Variants in RELL1 observed in about 807,000 individuals in gnomAD.
RELL1 encodes the protein RELT-like protein 1.
Under a neutral mutation model 23.0 loss-of-function variants are expected in RELL1, and 10 were observed. The ratio of observed to expected loss-of-function variants is 0.43; its 90% CI spans 0.27 to 0.74. The LOEUF is 0.74. RELL1 is among the 30% of genes least tolerant of loss of function. RELL1 has a pLI of 0.19. For synonymous variants in RELL1, 146 were observed against 146.8 expected (o/e 0.99, Z 0.04); for missense variants, 315 against 364.4 (o/e 0.86, Z 1.10).
At chr4:37,598,858 G>C (rs1289520982) in intron 6 of RELL1, among the ~76,000 whole-genome samples, 1 of 151,954 alleles carries the variant, frequency 6.6e-6, no homozygotes, top group African/African-American at 2.4e-5. Flanking sequence ...CTAGTTTTTT[G>C]TATTTTAGTA....
At position 37,597,037 on chromosome 4, in the gene RELL1, C is replaced by T. The variant is rs528305093; in HGVS notation, c.*4-5820G>A. Among the ~76,000 whole-genome samples, 217 of 151,756 alleles carry T rather than the reference C, an allele frequency of 1.4e-3. 1 individual carries two copies. Among genetic ancestry groups the T allele is most frequent in the African/African-American group, 4.9e-3 (203 of 41,412 alleles). On this transcript the variant is annotated intron_variant, in intron 6 of 6. Transcript: ENST00000314117. The stretch of plus-strand genomic sequence containing the variant: ...TGCTGGGATTACAGGCGTGAGTCAC[C>T]GCGCCCAGCCCGGGCCAATATTTTT...
At chr4:37,595,879 G>A (rs1912121) in intron 6 of RELL1, among the ~76,000 whole-genome samples, 84,247 of 151,940 alleles carry the variant, frequency 0.55, 26,844 homozygotes, top group Non-Finnish European at 0.73. Flanking sequence ...GGCCGACCTC[G>A]TTTTTTAGTG....
At chr4:37,598,891 C>T (rs1718946804) in intron 6 of RELL1, among the ~76,000 whole-genome samples, 1 of 152,046 alleles carries the variant, frequency 6.6e-6, no homozygotes, top group Non-Finnish European at 1.5e-5. Context: ...CACCGTGTTG[C>T]CCAGGCTGGT....
At position 37,631,512 on chromosome 4, in the gene RELL1, G is replaced by C; in HGVS notation, c.692C>G (p.Thr231Arg). Reference sequence around the variant, plus strand: ...CTGGTTTGACTTGTGCTCCACTTTTGTAACTCTAAATCTGAGGGGGGAATG... The same window carrying C: ...CTGGTTTGACTTGTGCTCCACTTTTCTAACTCTAAATCTGAGGGGGGAATG... ...TVLSVGRFRV[T>R]KVEHKSNQKE... Residue 231 changes from threonine (T) to arginine (R), a missense_variant, in exon 6 of 7, where the codon ACA becomes AGA. By Grantham distance (71) the Thr-to-Arg change is moderately conservative. Transcript: ENST00000454158. The C allele has an allele frequency of 6.2e-7, 1 of 1,613,850 alleles. No individual in the cohort carries two copies. Among genetic ancestry groups the C allele is most frequent in the Non-Finnish European group, 8.5e-7 (1 of 1,179,908 alleles).
At chr4:37,669,054 TG>T (rs1262974092) in intron 1 of RELL1, among the ~76,000 whole-genome samples, 3 of 94,392 alleles carry the variant, frequency 3.2e-5, no homozygotes, top group Non-Finnish European at 5.8e-5. Context: ...GGGAGGGAGG[TG>T]GGGGGGTCAG....
chr4:37,672,271 C>A (rs913340498), intron 1 of RELL1, among the ~76,000 whole-genome samples: 1 of 152,042 alleles, frequency 6.6e-6, no homozygotes, highest in African/African-American at 2.4e-5. Flanking sequence ...CCGTAGCTAC[C>A]TGGGGGCCCA....
At chr4:37,605,799 G>GAAAGAAAGAAAGA (rs1300816132), downstream of RELL1, among the ~76,000 whole-genome samples, 30 of 89,110 alleles carry the variant, frequency 3.4e-4, no homozygotes, top group African/African-American at 1.1e-3. Flanking sequence ...GAAAGAGAAA[G>GAAAGAAAGAAAGA]AAAGAAAGAA....
chr4:37,602,221 CA>C (rs11410477), intron 6 of RELL1, among the ~76,000 whole-genome samples: 37 of 96,734 alleles, frequency 3.8e-4, no homozygotes, highest in Admixed American at 5.5e-4. Context: ...TGTCTCAAAC[CA>C]AAAAAAAAAA....
At chr4:37,686,028 G>A (rs991230163) in intron 1 of RELL1, among the ~76,000 whole-genome samples, 172 bp downstream of exon 1, 3 of 152,182 alleles carry the variant, frequency 2.0e-5, no homozygotes, top group Non-Finnish European at 4.4e-5. Flanking sequence ...CCGTTGCCAC[G>A]CACCGCGCCC....
At chr4:37,670,359 C>T (rs1044368310) in intron 1 of RELL1, among the ~76,000 whole-genome samples, 1 of 152,082 alleles carries the variant, frequency 6.6e-6, no homozygotes, top group Non-Finnish European at 1.5e-5. Flanking sequence ...AGTAAAGAGA[C>T]TACTAAACCT....
chr4:37,639,020 G>A (rs1720430711), intron 3 of RELL1, among the ~76,000 whole-genome samples: 2 of 152,154 alleles, frequency 1.3e-5, no homozygotes, highest in Non-Finnish European at 2.9e-5. Context: ...TCGATTCAGG[G>A]ATGAGAGAAG....
At chr4:37,673,830 A>G (rs903464491) in intron 1 of RELL1, among the ~76,000 whole-genome samples, 5 of 152,142 alleles carry the variant, frequency 3.3e-5, no homozygotes, top group African/African-American at 1.2e-4. Flanking sequence ...CCGCAACTAC[A>G]CAGTAAAGTG....
At position 37,649,336 on chromosome 4, in the gene RELL1, C is replaced by G; in HGVS notation, c.253G>C (p.Gly85Arg). The G allele has an allele frequency of 6.2e-7, 1 of 1,614,206 alleles. No homozygotes were observed. The highest frequency in any genetic ancestry group is 8.5e-7 in the Non-Finnish European group (1 of 1,180,050). Residue 85 changes from glycine to arginine, a missense_variant, in exon 2 of 7, where the codon GGC becomes CGC. Physicochemically the swap from Gly to Arg is moderately radical, Grantham distance 125 (BLOSUM62 -2). Transcript: ENST00000454158. ...VLICHLLKKK[G>R]YRCTTEAEQD... ...TCTGCTTCTGTTGTACAACGATAGC[C>G]TTTCTTCTTAAGCAGGTGGCAAATG...
chr4:37,632,285 C>T (rs1405715312), intron 5 of RELL1, among the ~76,000 whole-genome samples: 3 of 151,906 alleles, frequency 2.0e-5, no homozygotes, highest in African/African-American at 7.3e-5. Flanking sequence ...GACTCTCCTG[C>T]CTCAGCCTCT....
At position 37,669,167 on chromosome 4, in the gene RELL1, G is replaced by A. The variant is rs62297227; in HGVS notation, c.88+17033C>T. On this transcript the variant is annotated intron_variant, in intron 1 of 6. Coordinates refer to ENST00000454158, the MANE Select transcript of RELL1 (RefSeq NM_001085400.2). ...GCCCCTCTGCCCGGCCAGCCGCCCC[G>A]TCCGGGAGGGAGGTGGGGGGGGGGG... Among the ~76,000 whole-genome samples, 94 of 64,938 alleles carry A rather than the reference G, an allele frequency of 1.4e-3. 7 individuals are homozygous for A. Among genetic ancestry groups the A allele is most frequent in the Admixed American group, 4.5e-3 (30 of 6,710 alleles). The allele number at this position is 64,938 out of a possible 152,430, so 42.6% of individuals were successfully genotyped here.
At chr4:37,620,170 T>A (rs1014269291) in intron 6 of RELL1, among the ~76,000 whole-genome samples, 1 of 152,226 alleles carries the variant, frequency 6.6e-6, no homozygotes, top group Non-Finnish European at 1.5e-5. Flanking sequence ...TCACTTTTTT[T>A]AACTAGCATA....
intron 1 of RELL1, among the ~76,000 whole-genome samples, chr4:37,659,830 A>C (rs1242186387): frequency 6.6e-6 from 1 of 151,902 alleles, no homozygotes; most frequent in African/African-American, 2.4e-5. Context: ...CCAACCACAG[A>C]CTACAGACAA....
chr4:37,681,238 G>C (rs1317749934), intron 1 of RELL1, among the ~76,000 whole-genome samples: 1 of 152,160 alleles, frequency 6.6e-6, no homozygotes, highest in Non-Finnish European at 1.5e-5. Context: ...AATAAAAACT[G>C]TTTAATATAT....
rs536085332 is a variant in RELL1, at chr4:37,594,805, G to A, written c.*4-3588C>T. Among the ~76,000 whole-genome samples, 15 of 152,084 alleles carry A rather than the reference G, an allele frequency of 9.9e-5. No homozygotes were observed. The East Asian group carries it at 1.4e-3, about 14-fold the overall frequency. On this transcript the variant is annotated intron_variant, in intron 6 of 6. Transcript: ENST00000314117. ...TCTTCTCTTCCTACCTCTCCCATCCGTACCTCCAAGCAGGAGGCCTTAGAA... is the reference window on the plus strand; with the variant it reads ...TCTTCTCTTCCTACCTCTCCCATCCATACCTCCAAGCAGGAGGCCTTAGAA...
Sources: allele counts gnomAD v4.1 joint callset (sites outside exome capture counted in the v4.1 genomes callset), GRCh38; gene constraint gnomAD v4.1.1; transcripts MANE v1.5; gene names NCBI Gene and HGNC (gene_info 2026-07-23, HGNC 2026-07-21).